ABCC4: variants seen among roughly 807,000 people sequenced by gnomAD.
ABCC4 encodes the protein ATP-binding cassette sub-family C member 4.
Under a neutral mutation model 168.5 loss-of-function variants are expected in ABCC4, and 102 were observed. That is an observed-to-expected ratio of 0.61 (90% CI 0.52 to 0.71). ABCC4 has a LOEUF of 0.71. ABCC4 is among the 30% of genes least tolerant of loss of function. ABCC4 has a pLI of 0.00. For synonymous variants in ABCC4, 617 were observed against 590.7 expected (o/e 1.04, Z -0.65); for missense variants, 1,402 against 1,605.8 (o/e 0.87, Z 2.17).
intron 9 of ABCC4, among the ~76,000 whole-genome samples, chr13:95,190,067 G>A (rs2038205959): frequency 6.6e-6 from 1 of 152,032 alleles, no homozygotes; most frequent in Non-Finnish European, 1.5e-5. Context: ...TTTAGGCAGG[G>A]TACGGACTGG....
chr13:95,079,456 A>T (rs759338375), intron 21 of ABCC4, among the ~76,000 whole-genome samples: 2 of 152,166 alleles, frequency 1.3e-5, no homozygotes, highest in Non-Finnish European at 2.9e-5. Flanking sequence ...TAGTTCCCGT[A>T]TGTTCAAGGT....
intron 27 of ABCC4, among the ~76,000 whole-genome samples, chr13:95,049,603 C>T (rs1460700727): frequency 2.6e-5 from 4 of 151,494 alleles, no homozygotes; most frequent in African/African-American, 4.8e-5. Flanking sequence ...ACTGTGCCAC[C>T]GCATTCCAAC....
intron 20 of ABCC4, among the ~76,000 whole-genome samples, chr13:95,090,537 G>A (rs549028150): frequency 3.0e-4 from 45 of 152,246 alleles, no homozygotes; most frequent in African/African-American, 9.6e-4. Flanking sequence ...AATAATCACC[G>A]CGGTTCGGCT....
intron 1 of ABCC4, among the ~76,000 whole-genome samples, chr13:95,254,857 G>A (rs2040355312): frequency 6.6e-6 from 1 of 152,074 alleles, no homozygotes; most frequent in Non-Finnish European, 1.5e-5. Flanking sequence ...CCACAAGGAT[G>A]GGGTTTTTCT....
intron 1 of ABCC4, among the ~76,000 whole-genome samples, chr13:95,290,997 C>CAAAAAAAAAAA (rs762030761): frequency 0.23 from 8,307 of 36,390 alleles, 2,228 homozygotes; most frequent in African/African-American, 0.53. Flanking sequence ...GACCCTGTCT[C>CAAAAAAAAAAA]AAAAAAAAAA....
In ABCC4 at chr13:95,021,351, C is replaced by A; in HGVS notation, c.*224G>T. On this transcript the variant is annotated 3_prime_UTR_variant, in exon 31 of 31. Transcript: ENST00000645237. The stretch of plus-strand genomic sequence containing the variant: ...GACGGCATTTAACTGGTGGCCTGCA[C>A]CTCTGATTTGGATTTTAAAAAACAA... 1 of 463,264 alleles carries A rather than the reference C, an allele frequency of 2.2e-6. No individual in the cohort carries two copies. The highest frequency in any genetic ancestry group is 3.8e-6 in the Non-Finnish European group (1 of 262,632). 28.7% of individuals were successfully genotyped at this position (463,264 alleles called of 1,614,324 possible).
chr13:95,206,848 A>G, intron 7 of ABCC4, 67 bp from the exon 8 acceptor site: 1 of 1,553,498 alleles, frequency 6.4e-7, no homozygotes, highest in Non-Finnish European at 8.8e-7. Context: ...CACGCCTGCA[A>G]TCTCAGCACT....
intron 11 of ABCC4, 23 bp from the exon 12 acceptor site, chr13:95,178,114 G>T (rs377204979): frequency 4.4e-6 from 7 of 1,599,762 alleles, no homozygotes; most frequent in Non-Finnish European, 3.4e-6. Context: ...AGGAAAGAAG[G>T]GGGGAAAAAG....
intron 13 of ABCC4, among the ~76,000 whole-genome samples, chr13:95,175,779 C>T (rs917096773): frequency 1.3e-5 from 2 of 152,232 alleles, no homozygotes; most frequent in Admixed American, 6.5e-5. Context: ...GGAGGAGCTG[C>T]ACCTGCAGAT....
chr13:95,290,415 G>A (rs931213223), intron 1 of ABCC4, among the ~76,000 whole-genome samples: 24 of 152,056 alleles, frequency 1.6e-4, no homozygotes, highest in African/African-American at 5.6e-4. Flanking sequence ...TGTGTTAAGA[G>A]GAATCATGGC....
rs2039950758 is a variant in ABCC4 at position 95,241,780 on chromosome 13, G to GA, written c.306+5194dup. Among the ~76,000 whole-genome samples, 3 of 151,284 alleles carry GA rather than the reference G, an allele frequency of 2.0e-5. No homozygotes were observed. The South Asian group carries it at 6.2e-4, about 31-fold the overall frequency. ...ATTACTTTGAAATTCCAACCTCAAAGACTCCCCGCAAACTGGTGTCACCAT... is the reference window on the plus strand; with the variant it reads ...ATTACTTTGAAATTCCAACCTCAAAGAACTCCCCGCAAACTGGTGTCACCAT... On this transcript the variant is annotated intron_variant, in intron 3 of 30. Transcript: ENST00000645237.
chr13:95,258,115 C>T (rs2040438212), intron 1 of ABCC4, among the ~76,000 whole-genome samples: 1 of 152,156 alleles, frequency 6.6e-6, no homozygotes, highest in South Asian at 2.1e-4. Flanking sequence ...CACTGTGGCC[C>T]AAGGCACCAT....
intron 19 of ABCC4, among the ~76,000 whole-genome samples, chr13:95,136,456 G>C (rs1353938034): frequency 6.6e-6 from 1 of 152,184 alleles, no homozygotes; most frequent in Non-Finnish European, 1.5e-5. Context: ...TACCCGGCCA[G>C]ATCTCAACTT....
At chr13:95,158,425 C>T (rs1286736023) in intron 19 of ABCC4, among the ~76,000 whole-genome samples, 1 of 152,074 alleles carries the variant, frequency 6.6e-6, no homozygotes, top group Non-Finnish European at 1.5e-5. Flanking sequence ...CTAGCCAGAC[C>T]CCCGGTGTGA....
intron 14 of ABCC4, among the ~76,000 whole-genome samples, chr13:95,168,513 T>G (rs1284393221): frequency 2.0e-5 from 3 of 152,226 alleles, no homozygotes; most frequent in East Asian, 3.8e-4. Flanking sequence ...CCCCGTTTGT[T>G]GCAATAATGT....
chr13:95,219,649 C>A (rs2039256574), intron 4 of ABCC4, among the ~76,000 whole-genome samples: 1 of 151,942 alleles, frequency 6.6e-6, no homozygotes, highest in Non-Finnish European at 1.5e-5. Context: ...AGACTATAGG[C>A]ATGTGCCACC....
At chr13:95,209,322 T>A in intron 6 of ABCC4, 112 bp downstream of exon 6, 1 of 1,263,278 alleles carries the variant, frequency 7.9e-7, no homozygotes, top group South Asian at 1.5e-5. Context: ...CTGCAACATA[T>A]GCAAGGAAGA....
chr13:95,073,000 G>C (rs1339379905), intron 24 of ABCC4, among the ~76,000 whole-genome samples: 1 of 151,992 alleles, frequency 6.6e-6, no homozygotes, highest in Admixed American at 6.6e-5. Context: ...TATAAAACCT[G>C]CTGACAGAGC....
intron 19 of ABCC4, among the ~76,000 whole-genome samples, chr13:95,148,396 A>T (rs566486711): frequency 1.3e-5 from 2 of 152,292 alleles, no homozygotes; most frequent in African/African-American, 4.8e-5. Flanking sequence ...TCATATAGTG[A>T]TTTAAATCCC....
Sources: allele counts gnomAD v4.1 joint callset (sites outside exome capture counted in the v4.1 genomes callset), GRCh38; gene constraint gnomAD v4.1.1; transcripts MANE v1.5; gene names NCBI Gene and HGNC (gene_info 2026-07-23, HGNC 2026-07-21).